The following HTT variants were observed in gnomAD, a reference collection of about 807,000 sequenced individuals.
HTT encodes the protein huntingtin, also known as huntington disease protein.
A neutral mutation model predicts 362.3 loss-of-function variants in HTT; 104 were observed. The ratio of observed to expected loss-of-function variants is 0.29; its 90% CI spans 0.24 to 0.34. HTT has a LOEUF of 0.34. Ranked by LOEUF, HTT falls within the 10% of genes least tolerant of loss-of-function variation. The pLI is 1.00. For synonymous variants in HTT, 1,577 were observed against 1,548.7 expected, an observed-to-expected ratio of 1.02 and a Z score of -0.43; for missense variants, 3,301 against 3,928.6, an observed-to-expected ratio of 0.84 and a Z score of 4.27.
intron 10 of HTT, among the ~76,000 whole-genome samples, chr4:3,124,643 C>A (rs1352872818): frequency 6.6e-6 from 1 of 152,086 alleles, no homozygotes; most frequent in African/African-American, 2.4e-5. Flanking sequence ...TCTGAATTCA[C>A]CTTTTTGGCA....
intron 1 of HTT, among the ~76,000 whole-genome samples, chr4:3,078,002 T>G (rs531806765): frequency 6.6e-6 from 1 of 152,180 alleles, no homozygotes; most frequent in African/African-American, 2.4e-5. Flanking sequence ...CTCTTGCTCT[T>G]TGGTGTGGAA....
At chr4:3,084,646 C>T (rs1341982302) in intron 1 of HTT, among the ~76,000 whole-genome samples, 1 of 150,524 alleles carries the variant, frequency 6.6e-6, no homozygotes, top group Non-Finnish European at 1.5e-5. Context: ...GCTGAGAGTG[C>T]GCCATTGCAC....
chr4:3,092,972 G>C (rs569727252), intron 2 of HTT, among the ~76,000 whole-genome samples: 3 of 152,294 alleles, frequency 2.0e-5, no homozygotes, highest in Non-Finnish European at 4.4e-5. Context: ...AGAGGAGACT[G>C]AGGCTGAGCC....
chr4:3,145,817 A>G (rs1401605655), intron 24 of HTT, among the ~76,000 whole-genome samples: 3 of 152,174 alleles, frequency 2.0e-5, no homozygotes, highest in Non-Finnish European at 2.9e-5. Flanking sequence ...TGTGTCAGCA[A>G]ATGACCAACT....
chr4:3,136,386 A>G (rs1406819782), intron 21 of HTT, 60 bp downstream of exon 21: 4 of 849,088 alleles, frequency 4.7e-6, no homozygotes, highest in African/African-American at 1.7e-5. Context: ...AGATACGAGA[A>G]TGGAAAGAGA....
chr4:3,083,915 A>G (rs1187351096), intron 1 of HTT, among the ~76,000 whole-genome samples: 1 of 152,222 alleles, frequency 6.6e-6, no homozygotes, highest in East Asian at 1.9e-4. Flanking sequence ...GAATGGTTAA[A>G]CTACTCAGTA....
intron 4 of HTT, among the ~76,000 whole-genome samples, chr4:3,104,519 G>A (rs576507310): frequency 6.6e-6 from 1 of 152,120 alleles, no homozygotes; most frequent in East Asian, 2.0e-4. Context: ...TGAGGTAGGG[G>A]AATCGCTTGA....
intron 14 of HTT, among the ~76,000 whole-genome samples, 157 bp downstream of exon 14, chr4:3,130,580 T>C (rs1379335704): frequency 1.3e-5 from 2 of 152,206 alleles, no homozygotes; most frequent in Admixed American, 6.5e-5. Context: ...TTTTCTGCCT[T>C]TCCAGGTACT....
At chr4:3,225,975 A>T (rs1172553374) in intron 57 of HTT, among the ~76,000 whole-genome samples, 1 of 152,162 alleles carries the variant, frequency 6.6e-6, no homozygotes, top group African/African-American at 2.4e-5. Flanking sequence ...GAAAGTAGTT[A>T]AGAGACCTCA....
At chr4:3,175,624 A>G (rs2110234979) in intron 33 of HTT, among the ~76,000 whole-genome samples, 1 of 152,322 alleles carries the variant, frequency 6.6e-6, no homozygotes, top group African/African-American at 2.4e-5. Flanking sequence ...GCTCTGCACA[A>G]GCATTTGCAC....
chr4:3,223,233 C>A (rs868135385), intron 54 of HTT, among the ~76,000 whole-genome samples, 173 bp from the exon 55 acceptor site: 1 of 152,222 alleles, frequency 6.6e-6, no homozygotes, highest in Non-Finnish European at 1.5e-5. Flanking sequence ...TTTCAGGGCC[C>A]GTGTGTGCGG....
In HTT at chr4:3,186,640, T is replaced by C. The variant is rs1345667292; in HGVS notation, c.4910T>C (p.Leu1637Ser). ...GAAGCCCTTGGAGTGTTAAATACAT[T>C]ATTTGAGATTTTGGCCCCTTCCTCC... ...SHEALGVLNTLFEILAPSSLR... is the reference protein window; with the variant it reads ...SHEALGVLNTSFEILAPSSLR... Residue 1637 changes from leucine to serine, a missense_variant, in exon 38 of 67, where the codon TTA (leucine) becomes TCA (serine). Coordinates refer to ENST00000355072, the MANE Select transcript of HTT (RefSeq NM_001388492.1). 2 of 1,613,598 alleles carry C rather than the reference T, an allele frequency of 1.2e-6. No homozygotes were observed. Among genetic ancestry groups the C allele is most frequent in the Non-Finnish European group, 1.7e-6 (2 of 1,179,622 alleles).
intron 26 of HTT, among the ~76,000 whole-genome samples, chr4:3,152,549 A>G (rs1040173771): frequency 6.6e-6 from 1 of 152,130 alleles, no homozygotes; most frequent in Non-Finnish European, 1.5e-5. Flanking sequence ...CAAAACCTCC[A>G]TGCCTCCAGC....
intron 1 of HTT, among the ~76,000 whole-genome samples, chr4:3,076,838 G>T (rs1316830376): frequency 2.0e-5 from 3 of 152,210 alleles, no homozygotes; most frequent in African/African-American, 7.2e-5. Flanking sequence ...AAAGGAGATA[G>T]ATTTTGTTTC....
chr4:3,193,143 G>A (rs559032576), intron 40 of HTT, among the ~76,000 whole-genome samples: 4 of 152,344 alleles, frequency 2.6e-5, no homozygotes, highest in African/African-American at 7.2e-5. Context: ...CCGGCCGCAC[G>A]GCGCCACAGA....
chr4:3,175,203 T>C, intron 33 of HTT, 96 bp downstream of exon 33: 2 of 1,168,082 alleles, frequency 1.7e-6, no homozygotes, highest in East Asian at 2.4e-5. Context: ...AAATGTGGTC[T>C]GCATGTTTCC....
rs765211922 is a variant in HTT, at chr4:3,172,425, G to A, written c.3942+28G>A. The A allele has an allele frequency of 2.0e-6, 3 of 1,466,580 alleles. No homozygotes were observed. In the South Asian group the frequency reaches 3.4e-5, roughly 17 times the overall value. The allele number at this position is 1,466,580 out of a possible 1,614,324, so 90.8% of individuals were successfully genotyped here. A position where few individuals can be genotyped will look rare whatever the true frequency, so the allele number is the denominator to read the frequency against. On this transcript the variant is annotated intron_variant, in intron 30 of 66. Coordinates refer to ENST00000355072, the MANE Select transcript of HTT (RefSeq NM_001388492.1). ...AAGAGCTTCATTCTTTTCCTCTTCT[G>A]TTAAGACGTTCGGGTATGACAGCAA...
chr4:3,223,547 G>A lies in HTT; in HGVS notation c.7612G>A (p.Ala2538Thr), dbSNP rs760290505. ...GCAGCCCCGGAACAAGCCTCTGAAA[G>A]CTCTCGACACCAGGTTTGCTTGAGT... The part of the protein sequence containing the change: ...EQQPRNKPLK[A>T]LDTRFGRKLS... The change falls in exon 55 of 67, where the codon GCT (alanine) becomes ACT (threonine). Residue 2538 changes from alanine (A) to threonine (T), a missense_variant. Transcript: ENST00000355072. The A allele has an allele frequency of 6.2e-7, 1 of 1,609,626 alleles. No homozygotes were observed. The highest frequency in any genetic ancestry group is 1.1e-5 in the South Asian group (1 of 90,334).
At chr4:3,188,925 C>G in intron 39 of HTT, 26 bp from the exon 40 acceptor site, 1 of 1,611,164 alleles carries the variant, frequency 6.2e-7, no homozygotes, top group East Asian at 2.2e-5. Context: ...ACCTAATTCA[C>G]TGTCATCTTT....
Sources: gnomAD v4.1 joint callset for allele counts (sites outside exome capture counted in the v4.1 genomes callset) on GRCh38, gnomAD v4.1.1 for gene constraint, MANE v1.5 for transcripts, NCBI Gene and HGNC (gene_info 2026-07-23, HGNC 2026-07-21) for gene names.